Variants in ACOT12 observed in about 807,000 individuals in gnomAD.
ACOT12 encodes acetyl-coenzyme A thioesterase.
In ACOT12, 51 loss-of-function variants were observed where a neutral mutation model predicts 67.7. The observed-to-expected ratio is 0.75, with a 90% CI of 0.60 to 0.95. The LOEUF is 0.95. Ranked by LOEUF, ACOT12 falls within the 40% of genes least tolerant of loss-of-function variation. The pLI is 0.00. For missense variants in ACOT12, 734 were observed against 708.1 expected, an observed-to-expected ratio of 1.04 and a Z score of -0.41; for synonymous variants, 251 against 244.6, an observed-to-expected ratio of 1.03 and a Z score of -0.24.
chr5:81,328,038 G>A (rs115782032), downstream of ACOT12, among the ~76,000 whole-genome samples: 2,044 of 152,150 alleles, frequency 0.013, 39 homozygotes, highest in African/African-American at 0.046. Context: ...ATTTTCTCTC[G>A]CTCTGTTGAA....
At chr5:81,353,054 T>C (rs11740623) in intron 5 of ACOT12, among the ~76,000 whole-genome samples, 20,062 of 152,252 alleles carry the variant, frequency 0.13, 1,507 homozygotes, top group Non-Finnish European at 0.16. Context: ...GAAGGCCTTA[T>C]GAGAGACATT....
intron 4 of ACOT12, among the ~76,000 whole-genome samples, chr5:81,360,550 A>C (rs561845172): frequency 6.6e-6 from 1 of 152,238 alleles, no homozygotes; most frequent in South Asian, 2.1e-4. Flanking sequence ...TAAGCAAAAC[A>C]AAAGAATCAA....
the ACOT12 span, chr5:81,313,204 C>T: frequency 6.6e-6 from 1 of 152,004 alleles, no homozygotes; most frequent in African/African-American, 2.4e-5. Context: ...ATCCATTGTT[C>T]GTTAATATCC....
In ACOT12 at chr5:81,344,873, C is replaced by T. The variant is rs370241087; in HGVS notation, c.924+18G>A. On this transcript the variant is annotated intron_variant, in intron 8 of 14. Transcript: ENST00000307624. Reference sequence around the variant, plus strand: ...ATTCACAGGTCCGGCTATTGAACCTCGTGTGATAATAACTGACCTTTGAAA... The same window carrying T: ...ATTCACAGGTCCGGCTATTGAACCTTGTGTGATAATAACTGACCTTTGAAA... The T allele has an allele frequency of 4.5e-5, 73 of 1,613,554 alleles. No individual in the cohort carries two copies. The highest frequency in any genetic ancestry group is 1.3e-4 in the East Asian group (6 of 44,888).
At chr5:81,309,081 G>T in the ACOT12 span, 1 of 1,419,988 alleles carries the variant, frequency 7.0e-7, no homozygotes, top group Non-Finnish European at 9.6e-7. Context: ...GTGAGTCATC[G>T]TGCAGTTGTG....
At chr5:81,361,377 T>G (rs1580565456) in intron 4 of ACOT12, among the ~76,000 whole-genome samples, 1 of 152,164 alleles carries the variant, frequency 6.6e-6, no homozygotes, top group Non-Finnish European at 1.5e-5. Flanking sequence ...TTATATTTAT[T>G]TTTTGTAGAG....
intron 6 of ACOT12, 53 bp from the exon 7 acceptor site, chr5:81,346,057 C>T: frequency 8.1e-6 from 13 of 1,596,894 alleles, no homozygotes; most frequent in Middle Eastern, 1.7e-4. Flanking sequence ...ATTCATTCAT[C>T]GAACAAATGC....
chr5:81,393,917 C>CT (rs951158915), intron 1 of ACOT12, 71 bp downstream of exon 1: 12 of 1,274,776 alleles, frequency 9.4e-6, no homozygotes, highest in African/African-American at 4.7e-5. Context: ...TCCTACCCCC[C>CT]CCAGCCCCCA....
chr5:81,344,075 G>T, intron 9 of ACOT12, 85 bp downstream of exon 9: 1 of 1,429,640 alleles, frequency 7.0e-7, no homozygotes, highest in Non-Finnish European at 9.7e-7. Context: ...CCGTTACGTG[G>T]GAATAGAGAC....
In ACOT12 at chr5:81,342,889, A is replaced by G. The variant is rs1425370287; in HGVS notation, c.1045-134T>C. 5 of 910,804 alleles carry G rather than the reference A, an allele frequency of 5.5e-6. No individual in the cohort carries two copies. In the Admixed American group the frequency reaches 1.1e-4, roughly 20 times the overall value. 56.4% of individuals were successfully genotyped at this position (910,804 alleles called of 1,614,324 possible). ...TCCTAGTGATAATGTTGAGTTTAGA[A>G]CTAAACTACAGGCCAGGTGAAGTGG... On this transcript the variant is annotated intron_variant, in intron 10 of 14. Coordinates refer to ENST00000307624, the MANE Select transcript of ACOT12 (RefSeq NM_130767.3).
intron 4 of ACOT12, among the ~76,000 whole-genome samples, chr5:81,360,274 T>C (rs1759864445): frequency 6.6e-6 from 1 of 152,112 alleles, no homozygotes; most frequent in African/African-American, 2.4e-5. Flanking sequence ...CTTTAAAAAT[T>C]CTCTCTATTA....
intron 5 of ACOT12, 93 bp downstream of exon 5, chr5:81,359,810 T>A: frequency 7.3e-7 from 1 of 1,361,740 alleles, no homozygotes; most frequent in Non-Finnish European, 1.0e-6. Flanking sequence ...GACTGAATGG[T>A]AATAATAAGG....
At chr5:81,371,881 C>T in intron 2 of ACOT12, 71 bp from the exon 3 acceptor site, 1 of 1,344,864 alleles carries the variant, frequency 7.4e-7, no homozygotes, top group Non-Finnish European at 1.1e-6. Context: ...TTAAAGATTA[C>T]TTAAATGCAT....
chr5:81,357,600 C>T (rs192477801), intron 5 of ACOT12, among the ~76,000 whole-genome samples: 18 of 152,106 alleles, frequency 1.2e-4, no homozygotes, highest in South Asian at 4.2e-4. Context: ...TAGAGAGTTC[C>T]GGGCAAAAGG....
chr5:81,347,751 G>A, intron 6 of ACOT12, 23 bp downstream of exon 6: 1 of 1,610,056 alleles, frequency 6.2e-7, no homozygotes, highest in Non-Finnish European at 8.5e-7. Flanking sequence ...CAAAATCATA[G>A]GCCGAAGGTC....
intron 4 of ACOT12, among the ~76,000 whole-genome samples, chr5:81,363,033 G>C (rs1028305364): frequency 6.6e-6 from 1 of 152,110 alleles, no homozygotes; most frequent in Non-Finnish European, 1.5e-5. Flanking sequence ...ACTCCTCCTT[G>C]CTTCAGAGTA....
intron 5 of ACOT12, among the ~76,000 whole-genome samples, chr5:81,358,911 T>C (rs897863867): frequency 2.0e-5 from 3 of 151,842 alleles, no homozygotes; most frequent in Non-Finnish European, 2.9e-5. Flanking sequence ...CAGCAATGAG[T>C]AGAAACCTTT....
intron 1 of ACOT12, among the ~76,000 whole-genome samples, chr5:81,393,600 C>T (rs1327941600): frequency 6.6e-6 from 1 of 152,038 alleles, no homozygotes; most frequent in Non-Finnish European, 1.5e-5. Flanking sequence ...GTCTGTGGTC[C>T]TAGTTACTCT....
chr5:81,393,250 C>T lies in ACOT12; in HGVS notation c.127+738G>A, dbSNP rs907855353. ...ACTCGCCAGGATGTAACCTTTATCA[C>T]CACTCCTCTCGCTACACTTTTGTTC... On this transcript the variant is annotated intron_variant, in intron 1 of 14. Transcript: ENST00000307624. Among the ~76,000 whole-genome samples, 92 of 152,292 alleles carry T rather than the reference C, an allele frequency of 6.0e-4. 1 individual carries two copies. Among genetic ancestry groups the T allele is most frequent in the African/African-American group, 2.0e-3 (84 of 41,566 alleles).
Sources: allele counts gnomAD v4.1 joint callset (sites outside exome capture counted in the v4.1 genomes callset), GRCh38; gene constraint gnomAD v4.1.1; transcripts MANE v1.5; gene names NCBI Gene and HGNC (gene_info 2026-07-23, HGNC 2026-07-21).